The following ZYX variants were observed in gnomAD, a reference collection of about 807,000 sequenced individuals.
The protein encoded by ZYX is zyxin.
In ZYX, 37 loss-of-function variants were observed where a neutral mutation model predicts 58.1. That is an observed-to-expected ratio of 0.64 (90% CI 0.49 to 0.84). ZYX has a LOEUF of 0.84. ZYX is among the 40% of genes least tolerant of loss of function. The probability of loss-of-function intolerance (pLI) is 0.00; values close to 1 mark genes in which losing one functional copy is unlikely to be tolerated. For missense variants in ZYX, 762 were observed against 761.6 expected, an observed-to-expected ratio of 1.00 and a Z score of -0.01; for synonymous variants, 324 against 321.1, an observed-to-expected ratio of 1.01 and a Z score of -0.10.
Position 143,385,313 on chromosome 7 carries a change from A to G in ZYX, c.1023+1991A>G, listed in dbSNP as rs573328792. Among the ~76,000 whole-genome samples the G allele has an allele frequency of 3.8e-3, 578 of 151,946 alleles. 2 individuals carry two copies. Among genetic ancestry groups the G allele is most frequent in the Non-Finnish European group, 5.9e-3 (403 of 67,912 alleles). ...AGGACTAAGGGAAGGACTGTGTGTC[A>G]GTGGTGTGTGTGTGTGTATATATAC... On this transcript the variant is annotated intron_variant, in intron 5 of 9. Coordinates refer to ENST00000322764, the MANE Select transcript of ZYX (RefSeq NM_003461.5).
chr7:143,388,273 G>T lies in ZYX; in HGVS notation c.1078G>T (p.Glu360Ter), dbSNP rs763603272. ...PLTLKEVEEL[E>*]QLTQQLMQDM... The stretch of plus-strand genomic sequence containing the variant: ...GACTCTGAAGGAGGTGGAGGAGCTG[G>T]AGCAGCTGACCCAGCAGCTAATGCA... Residue 360 changes from glutamate to a stop codon, truncating the protein, a stop_gained, in exon 6 of 10, where the codon GAG becomes TAG. Transcript: ENST00000322764. LOFTEE classifies it high-confidence loss of function. The surrounding 1 kb of genome is among the most constrained non-coding windows in gnomAD (Gnocchi z 7.5). 1.2e-6 allele frequency: 2 copies of T among 1,613,478 alleles called. No individual in the cohort carries two copies. The highest frequency in any genetic ancestry group is 1.7e-6 in the Non-Finnish European group (2 of 1,179,716).
At chr7:143,382,572 C>T (rs771593111) in intron 3 of ZYX, 21 bp from the exon 4 acceptor site, 4 of 1,612,782 alleles carry the variant, frequency 2.5e-6, no homozygotes, top group Admixed American at 1.7e-5. Flanking sequence ...GGAATAGGTG[C>T]TCTGACCTCT....
chr7:143,389,860 G>A lies in ZYX; in HGVS notation c.1497G>A (p.Gln499=), dbSNP rs1805006260. ...TGGCCCTTTCTGCCCCTTCCAGGCAGTACGCCCCGAGGTGCTCCGTCTGCT... is the reference window on the plus strand; with the variant it reads ...TGGCCCTTTCTGCCCCTTCCAGGCAATACGCCCCGAGGTGCTCCGTCTGCT... ...RPHCVPDYHK[Q]YAPRCSVCSE... Residue 499 remains glutamine, a synonymous_variant, in exon 9 of 10, where the codon CAG becomes CAA. Coordinates refer to ENST00000322764, the MANE Select transcript of ZYX (RefSeq NM_003461.5). The surrounding 1 kb of genome is among the most constrained non-coding windows in gnomAD (Gnocchi z 5.6). The A allele has an allele frequency of 6.2e-7, 1 of 1,613,730 alleles. No homozygotes were observed. Among genetic ancestry groups the A allele is most frequent in the Non-Finnish European group, 8.5e-7 (1 of 1,179,968 alleles).
Position 143,384,376 on chromosome 7 carries a change from G to A in ZYX, c.1023+1054G>A, listed in dbSNP as rs964701681. ...GGAGAACAGAAAGTGGAAGGTTCCT[G>A]TAGGAAAATGATAGAGCTATACTTG... On this transcript the variant is annotated intron_variant, in intron 5 of 9. Transcript: ENST00000322764. This position sits in a 1 kb window ranked among gnomAD's most constrained non-coding sequence, Gnocchi z 4.9. 2.4e-6 allele frequency: 1 copy of A among 419,972 alleles called. No homozygotes were observed. Among genetic ancestry groups the A allele is most frequent in the African/African-American group, 2.0e-5 (1 of 48,832 alleles). 26.0% of individuals were successfully genotyped at this position (419,972 alleles called of 1,614,324 possible). A position where few individuals can be genotyped will look rare whatever the true frequency, so the allele number is the denominator to read the frequency against.
chr7:143,385,361 C>CGTGT (rs370496656), intron 5 of ZYX, among the ~76,000 whole-genome samples: 1 of 149,302 alleles, frequency 6.7e-6, no homozygotes, highest in African/African-American at 2.5e-5. Context: ...ATATGAGTGG[C>CGTGT]GTGTGTGTGT....
rs756942984 is a variant in ZYX at position 143,381,584 on chromosome 7, C to G, written c.13C>G (p.Arg5Gly). 6.2e-7 allele frequency: 1 copy of G among 1,610,600 alleles called. No homozygotes were observed. The highest frequency in any genetic ancestry group is 1.1e-5 in the South Asian group (1 of 90,944). ...GCCCGGCCCGGCCATGGCGGCCCCC[C>G]GCCCGTCTCCCGCGATCTCCGTTTC... is the stretch of plus-strand genomic sequence containing the variant. MAAPRPSPAISVSVS... is the reference protein window; with the variant it reads MAAPGPSPAISVSVS... The change falls in exon 2 of 10, where the codon CGC becomes GGC. Residue 5 changes from arginine (R) to glycine (G), a missense_variant. Coordinates refer to ENST00000322764, the MANE Select transcript of ZYX (RefSeq NM_003461.5).
At chr7:143,382,526 T>C in intron 3 of ZYX, 67 bp from the exon 4 acceptor site, 1 of 1,594,564 alleles carries the variant, frequency 6.3e-7, no homozygotes, top group Non-Finnish European at 8.6e-7. Context: ...TTACCTCCCC[T>C]GCACCTCTGC....
Position 143,388,757 on chromosome 7 carries a change from G to T in ZYX, c.1315-10G>T. On this transcript the variant is annotated splice_polypyrimidine_tract_variant and intron_variant, in intron 7 of 9. Coordinates refer to ENST00000322764, the MANE Select transcript of ZYX (RefSeq NM_003461.5). This position sits in a 1 kb window ranked among gnomAD's most constrained non-coding sequence, Gnocchi z 7.5. ...GGTTCCCTGCCAACCTCCTCCTGCT[G>T]CCTCCTCAGGACACCCTGGAGAAGT... The T allele has an allele frequency of 6.2e-7, 1 of 1,611,718 alleles. No homozygotes were observed. Among genetic ancestry groups the T allele is most frequent in the Non-Finnish European group, 8.5e-7 (1 of 1,178,448 alleles).
At chr7:143,382,779 T>C (rs774408086) in intron 4 of ZYX, 22 bp from the exon 5 acceptor site, 12 of 1,609,508 alleles carry the variant, frequency 7.5e-6, no homozygotes, top group East Asian at 6.7e-5. Flanking sequence ...TGCATCTCTC[T>C]TCCCTCTCCC....
rs1804582851 is a variant in ZYX, at chr7:143,381,583, C to A, written c.12C>A (p.Pro4=). The change falls in exon 2 of 10, where the codon CCC becomes CCA. Residue 4 remains proline (P), a synonymous_variant. Coordinates refer to ENST00000322764, the MANE Select transcript of ZYX (RefSeq NM_003461.5). ...AGCCCGGCCCGGCCATGGCGGCCCC[C>A]CGCCCGTCTCCCGCGATCTCCGTTT... is the stretch of plus-strand genomic sequence containing the variant. MAA[P]RPSPAISVSV... The A allele has an allele frequency of 6.2e-7, 1 of 1,610,432 alleles. No individual in the cohort carries two copies. The highest frequency in any genetic ancestry group is 8.5e-7 in the Non-Finnish European group (1 of 1,178,866).
chr7:143,390,521 G>T lies in ZYX; in HGVS notation c.1615-57G>T. 1 of 1,293,400 alleles carries T rather than the reference G, an allele frequency of 7.7e-7. No individual in the cohort carries two copies. The highest frequency in any genetic ancestry group is 1.3e-5 in the South Asian group (1 of 78,340). 80.1% of individuals were successfully genotyped at this position (1,293,400 alleles called of 1,614,324 possible). A position where few individuals can be genotyped will look rare whatever the true frequency, so the allele number is the denominator to read the frequency against. On this transcript the variant is annotated intron_variant, in intron 9 of 9. Transcript: ENST00000322764. The surrounding 1 kb of genome is among the most constrained non-coding windows in gnomAD (Gnocchi z 4.3). The stretch of plus-strand genomic sequence containing the variant: ...GATGGAGCTGGATGGGGTGGGGTAG[G>T]GTGGAGCAGAGCAGGGGCCTTCCGG...
intron 2 of ZYX, 84 bp from the exon 3 acceptor site, chr7:143,382,164 T>G: frequency 2.6e-6 from 3 of 1,160,570 alleles, no homozygotes; most frequent in Non-Finnish European, 3.7e-6. Flanking sequence ...AGTTCTTGGG[T>G]TAGGGGTTAG....
rs1335253276 is a variant in ZYX at position 143,382,588 on chromosome 7, T to A, written c.409-5T>A. Reference sequence around the variant, plus strand: ...GAATAGGTGCTCTGACCTCTGACCCTCTAGCCCAGGGAGAAGGTGAGCAGT... The same window carrying A: ...GAATAGGTGCTCTGACCTCTGACCCACTAGCCCAGGGAGAAGGTGAGCAGT... On this transcript the variant is annotated splice_region_variant and splice_polypyrimidine_tract_variant and intron_variant, in intron 3 of 9. Coordinates refer to ENST00000322764, the MANE Select transcript of ZYX (RefSeq NM_003461.5). 6.2e-7 allele frequency: 1 copy of A among 1,613,898 alleles called. No homozygotes were observed. The highest frequency in any genetic ancestry group is 8.5e-7 in the Non-Finnish European group (1 of 1,179,930).
At chr7:143,383,417 A>T in intron 5 of ZYX, 95 bp downstream of exon 5, 3 of 1,248,240 alleles carry the variant, frequency 2.4e-6, no homozygotes, top group African/African-American at 1.5e-5. Flanking sequence ...TTGGAGAGTC[A>T]GGGTGGACAC....
rs1805025260 is a variant in ZYX at position 143,390,300 on chromosome 7, G to A, written c.1615-278G>A. 9.0e-6 allele frequency: 5 copies of A among 554,422 alleles called. No individual in the cohort carries two copies. The highest frequency in any genetic ancestry group is 2.1e-5 in the South Asian group (1 of 47,688). The allele number at this position is 554,422 out of a possible 1,614,324, so 34.3% of individuals were successfully genotyped here. ...TGAGAGAAGAGGTCTTCGAATGGAG[G>A]TGAGCCAACCTCTATTTTATTAGGG... On this transcript the variant is annotated intron_variant, in intron 9 of 9. Coordinates refer to ENST00000322764, the MANE Select transcript of ZYX (RefSeq NM_003461.5). The surrounding 1 kb of genome is among the most constrained non-coding windows in gnomAD (Gnocchi z 4.3).
In ZYX at chr7:143,381,369, A is replaced by G. The variant is rs765208930; in HGVS notation, c.-56A>G. The stretch of plus-strand genomic sequence containing the variant: ...CGCAGAGTCTGCGGACCCGGCGCCG[A>G]GGCGGCCACCCGAGACGCGGCGCGC... On this transcript the variant is annotated 5_prime_UTR_variant, in exon 1 of 10. Transcript: ENST00000322764. 64 of 1,165,306 alleles carry G rather than the reference A, an allele frequency of 5.5e-5. No individual in the cohort carries two copies. The highest frequency in any genetic ancestry group is 9.5e-6 in the Non-Finnish European group (9 of 943,364). The allele number at this position is 1,165,306 out of a possible 1,614,324, so 72.2% of individuals were successfully genotyped here. A position where few individuals can be genotyped will look rare whatever the true frequency, so the allele number is the denominator to read the frequency against.
At position 143,389,748 on chromosome 7, in the gene ZYX, G is replaced by C; in HGVS notation, c.1494-109G>C. The C allele has an allele frequency of 6.7e-7, 1 of 1,490,760 alleles. No individual in the cohort carries two copies. The highest frequency in any genetic ancestry group is 9.0e-7 in the Non-Finnish European group (1 of 1,109,106). The allele number at this position is 1,490,760 out of a possible 1,614,324, so 92.3% of individuals were successfully genotyped here. ...TTCTGGTGAGCTTCCTTCACCTGGA[G>C]ATGCAGGGCAGAGAAGTCTGCTTCC... is the stretch of plus-strand genomic sequence containing the variant. On this transcript the variant is annotated intron_variant, in intron 8 of 9. Transcript: ENST00000322764. The surrounding 1 kb of genome is among the most constrained non-coding windows in gnomAD (Gnocchi z 5.6).
Position 143,390,105 on chromosome 7 carries a change from TG to T in ZYX, c.1614+130del. On this transcript the variant is annotated intron_variant, in intron 9 of 9. Coordinates refer to ENST00000322764, the MANE Select transcript of ZYX (RefSeq NM_003461.5). This position sits in a 1 kb window ranked among gnomAD's most constrained non-coding sequence, Gnocchi z 4.3. Reference sequence around the variant, plus strand: ...GGGCTGTGATTTTGAGGGTGGCTCATGGTGGCACCCCATCTGTCCTGCCAGA... The same window carrying T: ...GGGCTGTGATTTTGAGGGTGGCTCATGTGGCACCCCATCTGTCCTGCCAGA... 4.5e-6 allele frequency: 6 copies of T among 1,344,888 alleles called. No individual in the cohort carries two copies. The highest frequency in any genetic ancestry group is 6.2e-6 in the Non-Finnish European group (6 of 970,866). 83.3% of individuals were successfully genotyped at this position (1,344,888 alleles called of 1,614,324 possible).
chr7:143,385,142 G>A (rs1422754653), intron 5 of ZYX, among the ~76,000 whole-genome samples: 1 of 152,126 alleles, frequency 6.6e-6, no homozygotes, highest in Non-Finnish European at 1.5e-5. Flanking sequence ...GAGGGAGTGA[G>A]GACTCAAGGC....
Sources: allele counts gnomAD v4.1 joint callset (sites outside exome capture counted in the v4.1 genomes callset), GRCh38; gene constraint gnomAD v4.1.1; non-coding constraint Gnocchi (gnomAD v3.1); transcripts MANE v1.5; gene names NCBI Gene and HGNC (gene_info 2026-07-23, HGNC 2026-07-21).